Variants in DBP observed in about 807,000 individuals in gnomAD.
DBP encodes the protein D site-binding protein.
DBP carries 12 observed loss-of-function variants against 21.4 expected under a neutral mutation model. The observed-to-expected ratio is 0.56, with a 90% CI of 0.36 to 0.91. The LOEUF (loss-of-function observed/expected upper bound fraction) is 0.91, where lower values mean the gene tolerates loss of function less well. Among genes scored for constraint, DBP ranks in the 40% least tolerant of loss-of-function variants. The pLI, the probability that DBP is intolerant of heterozygous loss-of-function variation, is 0.01. For synonymous variants in DBP, 213 were observed against 224.9 expected (o/e 0.95, Z 0.47); for missense variants, 423 against 473.4 (o/e 0.89, Z 0.99).
Position 48,630,739 on chromosome 19 carries a change from C to G in DBP, c.*98G>C. The G allele has an allele frequency of 6.2e-6, 9 of 1,444,918 alleles. No homozygotes were observed. Among genetic ancestry groups the G allele is most frequent in the Non-Finnish European group, 8.3e-6 (9 of 1,081,692 alleles). The allele number at this position is 1,444,918 out of a possible 1,614,324, so 89.5% of individuals were successfully genotyped here. A position where few individuals can be genotyped will look rare whatever the true frequency, so the allele number is the denominator to read the frequency against. On this transcript the variant is annotated 3_prime_UTR_variant, in exon 4 of 4. Transcript: ENST00000222122. This position sits in a 1 kb window ranked among gnomAD's most constrained non-coding sequence, Gnocchi z 4.9. ...TGCATTATCACGTCCCTGGGGCACCCAGCTGGCCGGCCCGTGGGCCACAGG... is the reference window on the plus strand; with the variant it reads ...TGCATTATCACGTCCCTGGGGCACCGAGCTGGCCGGCCCGTGGGCCACAGG...
rs892602269 is a variant in DBP at position 48,633,364 on chromosome 19, T to C, written c.762+80A>G. The C allele has an allele frequency of 4.2e-6, 6 of 1,426,396 alleles. No homozygotes were observed. In the African/African-American group the frequency reaches 7.0e-5, roughly 17 times the overall value. 88.4% of individuals were successfully genotyped at this position (1,426,396 alleles called of 1,614,324 possible). A position where few individuals can be genotyped will look rare whatever the true frequency, so the allele number is the denominator to read the frequency against. On this transcript the variant is annotated intron_variant, in intron 3 of 3. Transcript: ENST00000222122. ...ACTAATCCCAAGGAGAAGCCCAGGC[T>C]TGACTGTGAGAAAAGGCCCCTCCCT...
In DBP at chr19:48,630,316, C is replaced by T. The variant is rs2030505095; in HGVS notation, c.*521G>A. The T allele has an allele frequency of 1.5e-6, 2 of 1,301,384 alleles. No individual in the cohort carries two copies. The highest frequency in any genetic ancestry group is 1.9e-6 in the Non-Finnish European group (2 of 1,025,976). The allele number at this position is 1,301,384 out of a possible 1,614,324, so 80.6% of individuals were successfully genotyped here. On this transcript the variant is annotated 3_prime_UTR_variant, in exon 4 of 4. Transcript: ENST00000222122. The surrounding 1 kb of genome is among the most constrained non-coding windows in gnomAD (Gnocchi z 4.9). ...GGGTGGGGGCGGGGAAATTCATATC[C>T]CCTGTTCGTCTCATGCGCGTCCTCC... is the stretch of plus-strand genomic sequence containing the variant.
At chr19:48,634,673 C>A in intron 2 of DBP, 1 of 985,128 alleles carries the variant, frequency 1.0e-6, no homozygotes, top group Non-Finnish European at 1.2e-6. Flanking sequence ...CTGCGCGAAG[C>A]GCGGAGGAGG....
intron 2 of DBP, chr19:48,633,981 G>T: frequency 2.9e-6 from 1 of 349,508 alleles, no homozygotes; most frequent in Non-Finnish European, 5.4e-6. Context: ...GTGCCGGTAA[G>T]CCCAGCTACT....
At chr19:48,633,857 T>G (rs2030686093) in intron 2 of DBP, 1 of 587,636 alleles carries the variant, frequency 1.7e-6, no homozygotes, top group Non-Finnish European at 3.0e-6. Context: ...CCCCAGCAGT[T>G]TGGGAAGCCG....
intron 3 of DBP, chr19:48,631,478 G>C (rs1223699025): frequency 6.0e-6 from 1 of 166,426 alleles, no homozygotes; most frequent in Non-Finnish European, 1.3e-5. Context: ...CTGGTGATGG[G>C]GTTTGGTGTC....
At position 48,630,677 on chromosome 19, in the gene DBP, A is replaced by T. The variant is rs1053805107; in HGVS notation, c.*160T>A. The stretch of plus-strand genomic sequence containing the variant: ...TCCCCGCCCCCGCAAGGGAGGGGGG[A>T]GGCTCGCTTTTTCTTAAAAATATAA... On this transcript the variant is annotated 3_prime_UTR_variant, in exon 4 of 4. Coordinates refer to ENST00000222122, the MANE Select transcript of DBP (RefSeq NM_001352.5). This position sits in a 1 kb window ranked among gnomAD's most constrained non-coding sequence, Gnocchi z 4.9. 1 of 1,415,104 alleles carries T rather than the reference A, an allele frequency of 7.1e-7. No individual in the cohort carries two copies. The highest frequency in any genetic ancestry group is 1.4e-5 in the African/African-American group (1 of 69,022). 87.7% of individuals were successfully genotyped at this position (1,415,104 alleles called of 1,614,324 possible).
chr19:48,635,497 TCCCAGCC>T, intron 2 of DBP, 76 bp downstream of exon 2: 3 of 1,478,244 alleles, frequency 2.0e-6, no homozygotes, highest in Non-Finnish European at 2.7e-6. Flanking sequence ...GGTCCCACGG[TCCCAGCC>T]CCCAGCGTCG....
In DBP at chr19:48,637,279, G is replaced by T. The variant is rs957109760; in HGVS notation, c.-285C>A. 3 of 365,882 alleles carry T rather than the reference G, an allele frequency of 8.2e-6. No homozygotes were observed. The highest frequency in any genetic ancestry group is 4.1e-5 in the East Asian group (1 of 24,592). 22.7% of individuals were successfully genotyped at this position (365,882 alleles called of 1,614,324 possible). A position where few individuals can be genotyped will look rare whatever the true frequency, so the allele number is the denominator to read the frequency against. On this transcript the variant is annotated 5_prime_UTR_variant, in exon 1 of 4. Transcript: ENST00000222122. ...CTCTTTGCAACCGAGGGTGAGAGGG[G>T]ACTCAAGGCGCTCCTTCTACAAGGT...
At chr19:48,634,813 A>G (rs1421664591) in intron 2 of DBP, 3 of 985,488 alleles carry the variant, frequency 3.0e-6, no homozygotes, top group African/African-American at 1.7e-5. Flanking sequence ...GGAGACCTCA[A>G]TGTGCCCAAA....
At chr19:48,636,195 G>A (rs936966032) in intron 1 of DBP, among the ~76,000 whole-genome samples, 12 of 152,076 alleles carry the variant, frequency 7.9e-5, no homozygotes, top group Admixed American at 2.0e-4. Context: ...GGCAGAGACA[G>A]GTGGACAGAT....
At position 48,630,286 on chromosome 19, in the gene DBP, C is replaced by T. The variant is rs1394891873; in HGVS notation, c.*551G>A. On this transcript the variant is annotated 3_prime_UTR_variant, in exon 4 of 4. Coordinates refer to ENST00000222122, the MANE Select transcript of DBP (RefSeq NM_001352.5). This position sits in a 1 kb window ranked among gnomAD's most constrained non-coding sequence, Gnocchi z 4.9. ...TAGGATTTGCACTAATGTTCCTCTC[C>T]CCGCGGGTGGGGGCGGGGAAATTCA... 1 of 1,290,876 alleles carries T rather than the reference C, an allele frequency of 7.7e-7. No homozygotes were observed. 80.0% of individuals were successfully genotyped at this position (1,290,876 alleles called of 1,614,324 possible).
Position 48,633,776 on chromosome 19 carries a change from G to A in DBP, c.551-121C>T, listed in dbSNP as rs560302662. 7 of 843,614 alleles carry A rather than the reference G, an allele frequency of 8.3e-6. No individual in the cohort carries two copies. In the East Asian group the frequency reaches 1.0e-4, roughly 12 times the overall value. 52.3% of individuals were successfully genotyped at this position (843,614 alleles called of 1,614,324 possible). A position where few individuals can be genotyped will look rare whatever the true frequency, so the allele number is the denominator to read the frequency against. On this transcript the variant is annotated intron_variant, in intron 2 of 3. Transcript: ENST00000222122. ...CCTTCTGGGATCTAGCATAAATTCG[G>A]CCAGGGATTAATCTCCCTAATATAA...
At position 48,630,959 on chromosome 19, in the gene DBP, G is replaced by A; in HGVS notation, c.856C>T (p.Arg286Trp). 6.2e-7 allele frequency: 1 copy of A among 1,613,410 alleles called. No homozygotes were observed. The highest frequency in any genetic ancestry group is 8.5e-7 in the Non-Finnish European group (1 of 1,179,896). The part of the protein sequence containing the change: ...RRLKENQISV[R>W]AAFLEKENAL... The stretch of plus-strand genomic sequence containing the variant: ...TTCTCCTTCTCCAGGAAGGCCGCCC[G>A]CACCGATATCTGGTTCTCCTTGAGC... The change falls in exon 4 of 4, where the codon CGG becomes TGG. Residue 286 changes from arginine (R) to tryptophan (W), a missense_variant. By Grantham distance (101) the Arg-to-Trp change is moderately radical (BLOSUM62 -3). This residue lies in a region of DBP where 30 missense variants were observed against 70.9 expected (regional missense o/e 0.42). Transcript: ENST00000222122. This position sits in a 1 kb window ranked among gnomAD's most constrained non-coding sequence, Gnocchi z 4.9.
intron 2 of DBP, chr19:48,635,023 A>T (rs2030731656): frequency 1.0e-6 from 1 of 986,154 alleles, no homozygotes; most frequent in Admixed American, 6.1e-5. Flanking sequence ...GAGGATCCAG[A>T]AACAACATCC....
chr19:48,633,175 G>A (rs953368400), intron 3 of DBP: 28 of 597,782 alleles, frequency 4.7e-5, no homozygotes, highest in Non-Finnish European at 7.4e-5. Flanking sequence ...TTGAACTCCC[G>A]AGCTCAAGAG....
At chr19:48,635,559 G>A (rs774216657) in intron 2 of DBP, 21 bp downstream of exon 2, 127 of 1,405,416 alleles carry the variant, frequency 9.0e-5, no homozygotes, top group Non-Finnish European at 1.0e-4. Context: ...GTCAGGACCC[G>A]CCCCGCCCCC....
intron 2 of DBP, chr19:48,634,254 C>T (rs1833324086): frequency 6.4e-6 from 1 of 155,194 alleles, no homozygotes; most frequent in Admixed American, 6.3e-5. Flanking sequence ...ATTGCTTCTA[C>T]ACTTGATCTT....
rs999113209 is a variant in DBP, at chr19:48,636,027, G to C, written c.140-37C>G. The C allele has an allele frequency of 3.4e-6, 5 of 1,471,800 alleles. No homozygotes were observed. The East Asian group carries it at 1.1e-4, about 32-fold the overall frequency. The allele number at this position is 1,471,800 out of a possible 1,614,324, so 91.2% of individuals were successfully genotyped here. On this transcript the variant is annotated intron_variant, in intron 1 of 3. Coordinates refer to ENST00000222122, the MANE Select transcript of DBP (RefSeq NM_001352.5). Reference sequence around the variant, plus strand: ...GAAAGACGGGTTGGGATGAGGGTGAGGTGGGGGAGATAGAGATGGAGAAGA... The same window carrying C: ...GAAAGACGGGTTGGGATGAGGGTGACGTGGGGGAGATAGAGATGGAGAAGA...
Sources: allele counts gnomAD v4.1 joint callset (sites outside exome capture counted in the v4.1 genomes callset), GRCh38; gene constraint gnomAD v4.1.1; regional missense constraint gnomAD v4.1.1; non-coding constraint Gnocchi (gnomAD v3.1); transcripts MANE v1.5; gene names NCBI Gene and HGNC (gene_info 2026-07-23, HGNC 2026-07-21).